Variants in CACNA2D3 observed in about 807,000 individuals in gnomAD.
CACNA2D3 encodes calcium voltage-gated channel auxiliary subunit alpha2delta 3.
A neutral mutation model predicts 160.6 loss-of-function variants in CACNA2D3; 60 were observed. That is an observed-to-expected ratio of 0.37 (90% CI 0.30 to 0.46). The LOEUF (loss-of-function observed/expected upper bound fraction) is 0.46, where lower values mean the gene tolerates loss of function less well. Ranked by LOEUF, CACNA2D3 falls within the 20% of genes least tolerant of loss-of-function variation. The pLI is 1.00. For missense variants in CACNA2D3, 1,205 were observed against 1,365.0 expected, an observed-to-expected ratio of 0.88 and a Z score of 1.85; for synonymous variants, 558 against 492.9, an observed-to-expected ratio of 1.13 and a Z score of -1.75.
chr3:54,763,848 C>CGT (rs1702158562), intron 12 of CACNA2D3, among the ~76,000 whole-genome samples: 1 of 32,778 alleles, frequency 3.1e-5, no homozygotes, highest in Non-Finnish European at 6.2e-5. Context: ...TATATATGTA[C>CGT]ATATATATAC....
chr3:54,323,732 C>G (rs2107511109), intron 3 of CACNA2D3, among the ~76,000 whole-genome samples: 1 of 152,330 alleles, frequency 6.6e-6, no homozygotes, highest in South Asian at 2.1e-4. Context: ...TCCCAAAGTG[C>G]TGGGATTACA....
rs1702201486 is a variant in CACNA2D3, at chr3:54,968,450, C to T, written c.2450C>T (p.Ala817Val). ...LDERKSPVVA[A>V]VGIQMKLEFF... is the part of the protein sequence containing the mutation. Reference sequence around the variant, plus strand: ...TTGTTTTATTTATAATTTGTCCCAGCTGTAGGCATTCAGATGAAACTTGAA... The same window carrying T: ...TTGTTTTATTTATAATTTGTCCCAGTTGTAGGCATTCAGATGAAACTTGAA... Residue 817 changes from alanine to valine, a missense_variant and splice_region_variant, in exon 28 of 38, where the codon GCT (alanine) becomes GTT (valine). Coordinates refer to ENST00000474759, the MANE Select transcript of CACNA2D3 (RefSeq NM_018398.3). 14 of 1,602,804 alleles carry T rather than the reference C, an allele frequency of 8.7e-6. No individual in the cohort carries two copies. The highest frequency in any genetic ancestry group is 1.2e-5 in the Non-Finnish European group (14 of 1,172,228).
intron 2 of CACNA2D3, among the ~76,000 whole-genome samples, chr3:54,145,330 G>C (rs1700004782): frequency 6.6e-6 from 1 of 152,218 alleles, no homozygotes; most frequent in Non-Finnish European, 1.5e-5. Context: ...TAGGGGACCA[G>C]GGTGTTTTGA....
intron 35 of CACNA2D3, among the ~76,000 whole-genome samples, chr3:55,055,573 T>C (rs1201940716): frequency 1.3e-5 from 2 of 152,142 alleles, no homozygotes; most frequent in Admixed American, 6.5e-5. Flanking sequence ...TTTTTTTCTA[T>C]TTCTACGGAA....
At chr3:54,912,456 C>T (rs1033946891) in intron 27 of CACNA2D3, among the ~76,000 whole-genome samples, 14 of 152,114 alleles carry the variant, frequency 9.2e-5, no homozygotes, top group African/African-American at 3.4e-4. Context: ...CTTTTGCCCA[C>T]TCAACCACAG....
At chr3:54,451,147 C>A (rs1282419571) in intron 4 of CACNA2D3, among the ~76,000 whole-genome samples, 1 of 147,568 alleles carries the variant, frequency 6.8e-6, no homozygotes, top group Non-Finnish European at 1.5e-5. Flanking sequence ...CCTTCTCTGG[C>A]TTATGAATCT....
chr3:54,874,728 C>T (rs988149710), intron 18 of CACNA2D3: 2 of 152,178 alleles, frequency 1.3e-5, no homozygotes, highest in Non-Finnish European at 2.9e-5. Flanking sequence ...AGTGTGGATT[C>T]CAACTCAGGC....
At chr3:54,722,082 C>T (rs542788646) in intron 11 of CACNA2D3, among the ~76,000 whole-genome samples, 1 of 152,276 alleles carries the variant, frequency 6.6e-6, no homozygotes, top group South Asian at 2.1e-4. Context: ...CACATAGTCC[C>T]ATATTTCTTG....
chr3:54,676,448 C>T lies in CACNA2D3; in HGVS notation c.1167+34207C>T, dbSNP rs749055088. Among the ~76,000 whole-genome samples the T allele has an allele frequency of 3.9e-5, 6 of 152,176 alleles. 1 individual carries two copies. The highest frequency in any genetic ancestry group is 3.4e-3 in the Middle Eastern group (1 of 294). Reference sequence around the variant, plus strand: ...CTGACTAGGTACCTGGGTACTGTTGCGTTGTTCAAACCCTCCTGTTAGACA... The same window carrying T: ...CTGACTAGGTACCTGGGTACTGTTGTGTTGTTCAAACCCTCCTGTTAGACA... On this transcript the variant is annotated intron_variant, in intron 11 of 37. Coordinates refer to ENST00000474759, the MANE Select transcript of CACNA2D3 (RefSeq NM_018398.3).
intron 11 of CACNA2D3, among the ~76,000 whole-genome samples, chr3:54,666,858 C>T (rs1349222518): frequency 6.6e-6 from 1 of 152,198 alleles, no homozygotes; most frequent in East Asian, 1.9e-4. Context: ...GTTGGAAGTA[C>T]TTTGTGCTAT....
chr3:54,432,306 G>A (rs1055698653), intron 4 of CACNA2D3, among the ~76,000 whole-genome samples: 1 of 151,800 alleles, frequency 6.6e-6, no homozygotes, highest in Non-Finnish European at 1.5e-5. Context: ...TTTCTGTCTG[G>A]GATAAACAAT....
chr3:54,464,769 G>A (rs993967154), intron 4 of CACNA2D3, among the ~76,000 whole-genome samples: 1 of 152,214 alleles, frequency 6.6e-6, no homozygotes, highest in Admixed American at 6.5e-5. Context: ...AGCGCACGGT[G>A]CGCTGCACGC....
chr3:54,629,689 G>T (rs553997002), intron 10 of CACNA2D3, among the ~76,000 whole-genome samples: 68 of 152,292 alleles, frequency 4.5e-4, no homozygotes, highest in African/African-American at 1.5e-3. Context: ...TAGGCTGCTG[G>T]GCAGGTGCCT....
At chr3:54,209,580 C>A (rs543673043) in intron 2 of CACNA2D3, among the ~76,000 whole-genome samples, 2 of 152,220 alleles carry the variant, frequency 1.3e-5, no homozygotes, top group South Asian at 4.1e-4. Flanking sequence ...TAAAGAAAAG[C>A]GTAATGTGAA....
chr3:54,690,010 C>G (rs905017354), intron 11 of CACNA2D3, among the ~76,000 whole-genome samples: 1 of 152,128 alleles, frequency 6.6e-6, no homozygotes, highest in African/African-American at 2.4e-5. Flanking sequence ...ACTCCTGAGA[C>G]AAGCAGGCAC....
chr3:54,235,770 C>T (rs1701861538), intron 2 of CACNA2D3, among the ~76,000 whole-genome samples: 1 of 152,178 alleles, frequency 6.6e-6, no homozygotes, highest in South Asian at 2.1e-4. Context: ...AATAGGGGGG[C>T]AGCAGACAAG....
At chr3:54,169,748 T>C (rs1405271773) in intron 2 of CACNA2D3, among the ~76,000 whole-genome samples, 1 of 151,708 alleles carries the variant, frequency 6.6e-6, no homozygotes, top group Non-Finnish European at 1.5e-5. Flanking sequence ...CGAGTGTGCA[T>C]GTGTGTGTGT....
intron 9 of CACNA2D3, among the ~76,000 whole-genome samples, chr3:54,597,017 G>A (rs752928973): frequency 2.6e-5 from 4 of 152,030 alleles, no homozygotes; most frequent in Admixed American, 1.3e-4. Context: ...CTGTCTCCAC[G>A]GCACACAGCA....
At chr3:54,535,072 A>G (rs1701867326) in intron 5 of CACNA2D3, among the ~76,000 whole-genome samples, 2 of 152,250 alleles carry the variant, frequency 1.3e-5, no homozygotes, top group Non-Finnish European at 1.5e-5. Context: ...GTAGAATGCA[A>G]GCTCCATGGG....
Sources: gnomAD v4.1 joint callset for allele counts (sites outside exome capture counted in the v4.1 genomes callset) on GRCh38, gnomAD v4.1.1 for gene constraint, MANE v1.5 for transcripts, NCBI Gene and HGNC (gene_info 2026-07-23, HGNC 2026-07-21) for gene names.